Variants in RANBP17 observed in about 807,000 individuals in gnomAD.
RANBP17 encodes ran-binding protein 17.
RANBP17 carries 158 observed loss-of-function variants against 141.2 expected under a neutral mutation model. That is an observed-to-expected ratio of 1.12 (90% confidence interval 0.98 to 1.28). RANBP17 has a LOEUF of 1.28. RANBP17 is among the 50% of genes most tolerant of loss of function. The probability of loss-of-function intolerance (pLI) is 0.00; values close to 1 mark genes in which losing one functional copy is unlikely to be tolerated. For synonymous variants in RANBP17, 430 were observed against 450.0 expected (o/e 0.96, Z 0.56); for missense variants, 1,438 against 1,290.7 (o/e 1.11, Z -1.75).
intron 14 of RANBP17, among the ~76,000 whole-genome samples, chr5:171,151,143 G>A (rs1157776036): frequency 6.6e-6 from 1 of 152,140 alleles, no homozygotes; most frequent in East Asian, 1.9e-4. Flanking sequence ...CCAGAAATGT[G>A]ATCTGTGCAA....
intron 14 of RANBP17, among the ~76,000 whole-genome samples, chr5:171,153,057 A>G (rs1284241105): frequency 6.6e-6 from 1 of 152,182 alleles, no homozygotes; most frequent in Non-Finnish European, 1.5e-5. Context: ...ATTCTTGAGG[A>G]AAGGGGCAGT....
chr5:171,253,320 G>A (rs1765695665), intron 24 of RANBP17, among the ~76,000 whole-genome samples: 1 of 152,176 alleles, frequency 6.6e-6, no homozygotes, highest in South Asian at 2.1e-4. Context: ...ATTCCTTGGG[G>A]GTGCAGTAGA....
chr5:170,894,967 A>G (rs1324631462), intron 4 of RANBP17, among the ~76,000 whole-genome samples: 1 of 152,112 alleles, frequency 6.6e-6, no homozygotes, highest in Non-Finnish European at 1.5e-5. Context: ...GTAACAAACT[A>G]TTTTCAAATT....
At chr5:170,962,226 A>C (rs997819838) in intron 13 of RANBP17, among the ~76,000 whole-genome samples, 2 of 152,232 alleles carry the variant, frequency 1.3e-5, no homozygotes, top group Admixed American at 1.3e-4. Flanking sequence ...CAGCTGAACC[A>C]GTACAACTGC....
At chr5:171,246,906 A>G (rs576643874) in intron 24 of RANBP17, among the ~76,000 whole-genome samples, 1 of 152,304 alleles carries the variant, frequency 6.6e-6, no homozygotes, top group South Asian at 2.1e-4. Context: ...AAAGCAGGTT[A>G]GGTACTCTAA....
At chr5:171,252,343 G>A in intron 24 of RANBP17, 1 of 1,540,104 alleles carries the variant, frequency 6.5e-7, no homozygotes, top group Admixed American at 1.7e-5. Context: ...GATTTTTCAG[G>A]GAACATTAAC....
chr5:171,082,538 C>T (rs1362805404), intron 14 of RANBP17, among the ~76,000 whole-genome samples: 1 of 152,076 alleles, frequency 6.6e-6, no homozygotes, highest in African/African-American at 2.4e-5. Context: ...AACATTTTTA[C>T]ACTGACCCAG....
At chr5:171,018,521 G>A (rs1780610434) in intron 14 of RANBP17, among the ~76,000 whole-genome samples, 2 of 152,108 alleles carry the variant, frequency 1.3e-5, no homozygotes. Flanking sequence ...TGTAGCAGTT[G>A]TGAATGGGAG....
At chr5:171,086,328 T>A (rs1358447881) in intron 14 of RANBP17, among the ~76,000 whole-genome samples, 2 of 151,156 alleles carry the variant, frequency 1.3e-5, no homozygotes, top group Non-Finnish European at 2.9e-5. Flanking sequence ...TTGATCATGG[T>A]GGATAAGCGT....
At chr5:171,038,461 G>C (rs988136066) in intron 14 of RANBP17, among the ~76,000 whole-genome samples, 2 of 152,082 alleles carry the variant, frequency 1.3e-5, no homozygotes, top group East Asian at 3.9e-4. Flanking sequence ...CCTGAATGCT[G>C]TGGCGAGGGC....
intron 18 of RANBP17, among the ~76,000 whole-genome samples, chr5:171,192,312 G>T (rs950846119): frequency 6.6e-6 from 1 of 152,140 alleles, no homozygotes; most frequent in African/African-American, 2.4e-5. Flanking sequence ...CTAATTAGCT[G>T]GCCCTGTAGG....
At chr5:171,089,925 C>T (rs566859406) in intron 14 of RANBP17, among the ~76,000 whole-genome samples, 3 of 152,224 alleles carry the variant, frequency 2.0e-5, no homozygotes, top group South Asian at 2.1e-4. Context: ...TCTTCTGCGT[C>T]GCTCACACTG....
At chr5:171,032,275 G>A (rs1469067160) in intron 14 of RANBP17, among the ~76,000 whole-genome samples, 2 of 152,066 alleles carry the variant, frequency 1.3e-5, no homozygotes, top group Non-Finnish European at 2.9e-5. Flanking sequence ...AATGGAAATG[G>A]CAAATCTAAA....
chr5:170,870,237 T>TA (rs1282143677), intron 1 of RANBP17, among the ~76,000 whole-genome samples: 6 of 152,212 alleles, frequency 3.9e-5, no homozygotes, highest in African/African-American at 1.4e-4. Flanking sequence ...AGTTCTGAGA[T>TA]ACACGTGCAG....
rs1782597879 is a variant in RANBP17, at chr5:171,046,467, C to G, written c.1710+78090C>G. ...TCGTGATCTGCCTGCCTCAGCCTCC[C>G]AAAGTGCTGGGATTACAGGATGAGC... On this transcript the variant is annotated intron_variant, in intron 14 of 27. Coordinates refer to ENST00000523189, the MANE Select transcript of RANBP17 (RefSeq NM_022897.5). Among the ~76,000 whole-genome samples the G allele has an allele frequency of 2.6e-5, 4 of 152,178 alleles. No individual in the cohort carries two copies. In the South Asian group the frequency reaches 8.3e-4, roughly 32 times the overall value.
At chr5:171,001,844 G>A (rs1779220470) in intron 14 of RANBP17, among the ~76,000 whole-genome samples, 1 of 152,112 alleles carries the variant, frequency 6.6e-6, no homozygotes, top group African/African-American at 2.4e-5. Context: ...TCTGACAAAA[G>A]GGAAGAAATG....
intron 1 of RANBP17, among the ~76,000 whole-genome samples, chr5:170,865,984 G>T (rs1767225757): frequency 6.6e-6 from 1 of 152,106 alleles, no homozygotes; most frequent in East Asian, 1.9e-4. Context: ...TTGCAAACTG[G>T]GTGAGCTCAC....
intron 25 of RANBP17, among the ~76,000 whole-genome samples, chr5:171,289,213 G>A (rs1038081498): frequency 1.3e-5 from 2 of 152,062 alleles, no homozygotes; most frequent in African/African-American, 4.8e-5. Context: ...TCACCCCACT[G>A]CCATTGCAAT....
intron 14 of RANBP17, among the ~76,000 whole-genome samples, chr5:170,971,630 C>T (rs1044263828): frequency 4.6e-5 from 7 of 152,162 alleles, no homozygotes; most frequent in Admixed American, 3.9e-4. Context: ...CTTCCTACTT[C>T]CCATATTTTA....
Sources: gnomAD v4.1 joint callset for allele counts (sites outside exome capture counted in the v4.1 genomes callset) on GRCh38, gnomAD v4.1.1 for gene constraint, MANE v1.5 for transcripts, NCBI Gene and HGNC (gene_info 2026-07-23, HGNC 2026-07-21) for gene names.